The following AFG2A variants were observed in gnomAD, a reference collection of about 807,000 sequenced individuals.
The protein encoded by AFG2A is ATPase family gene 2 protein homolog A.
chr4:123,138,469 A>G, the AFG2A span, among the ~76,000 whole-genome samples: 458 of 152,280 alleles, frequency 3.0e-3, 1 homozygote, highest in African/African-American at 0.01. Flanking sequence ...GACATATTTC[A>G]TACTTCTTAA....
At chr4:123,012,241 G>T in the AFG2A span, among the ~76,000 whole-genome samples, 1 of 142,086 alleles carries the variant, frequency 7.0e-6, no homozygotes, top group South Asian at 2.4e-4. Context: ...GGAGGTGCTT[G>T]CCCCCCAGGA....
chr4:123,255,925 G>A, the AFG2A span: 276 of 1,459,340 alleles, frequency 1.9e-4, no homozygotes, highest in South Asian at 2.6e-4. Context: ...TGGATTGTTC[G>A]TGAAATTCCA....
chr4:123,079,745 CTTTTTTTTTTT>C, the AFG2A span, among the ~76,000 whole-genome samples: 10 of 72,672 alleles, frequency 1.4e-4, no homozygotes, highest in East Asian at 8.3e-4. Flanking sequence ...TCTTTTCCTT[CTTTTTTTTTTT>C]TTTTTTTTTT....
the AFG2A span, among the ~76,000 whole-genome samples, chr4:123,049,884 T>A: frequency 6.6e-6 from 1 of 152,082 alleles, no homozygotes; most frequent in Non-Finnish European, 1.5e-5. Flanking sequence ...CTTTTCTAGT[T>A]CCTTGAAGTA....
the AFG2A span, among the ~76,000 whole-genome samples, chr4:123,104,838 C>T: frequency 6.6e-6 from 1 of 152,158 alleles, no homozygotes; most frequent in African/African-American, 2.4e-5. Flanking sequence ...GAAAAGTTGG[C>T]AGCTAGCAGA....
chr4:122,923,269 T>C, the AFG2A span: 1 of 1,613,906 alleles, frequency 6.2e-7, no homozygotes, highest in Non-Finnish European at 8.5e-7. Flanking sequence ...CGCGGCAACC[T>C]CCGGGACTCT....
chr4:123,148,753 A>AAC, the AFG2A span, among the ~76,000 whole-genome samples: 4 of 151,520 alleles, frequency 2.6e-5, no homozygotes, highest in East Asian at 1.9e-4. Flanking sequence ...GTCAGTACAG[A>AAC]ACACACACAC....
At chr4:123,246,850 C>T in the AFG2A span, among the ~76,000 whole-genome samples, 1 of 152,302 alleles carries the variant, frequency 6.6e-6, no homozygotes, top group Non-Finnish European at 1.5e-5. Flanking sequence ...TGCCTTTTCA[C>T]AGTTTCTCAA....
the AFG2A span, among the ~76,000 whole-genome samples, chr4:122,979,750 A>G: frequency 2.0e-5 from 3 of 152,130 alleles, no homozygotes; most frequent in African/African-American, 7.2e-5. Context: ...AAAAAGTACA[A>G]ATTAGTTGAG....
chr4:122,983,919 A>G, the AFG2A span, among the ~76,000 whole-genome samples: 1 of 152,306 alleles, frequency 6.6e-6, no homozygotes, highest in East Asian at 1.9e-4. Flanking sequence ...AGACACATCC[A>G]TAGGAAAAGT....
At chr4:123,144,139 A>G in the AFG2A span, among the ~76,000 whole-genome samples, 1 of 152,024 alleles carries the variant, frequency 6.6e-6, no homozygotes. Context: ...ATCTACACCT[A>G]TGGGGTTGAC....
the AFG2A span, among the ~76,000 whole-genome samples, chr4:123,153,130 G>A: frequency 6.6e-6 from 1 of 152,096 alleles, no homozygotes; most frequent in Admixed American, 6.6e-5. Flanking sequence ...CTTTTAGGTG[G>A]AAACTTGACA....
the AFG2A span, among the ~76,000 whole-genome samples, chr4:123,041,593 G>A: frequency 2.6e-5 from 4 of 151,934 alleles, no homozygotes; most frequent in Non-Finnish European, 4.4e-5. Flanking sequence ...GTGCAATGGC[G>A]TGATCTCGGC....
chr4:123,193,698 T>C, the AFG2A span, among the ~76,000 whole-genome samples: 86,594 of 151,830 alleles, frequency 0.57, 27,175 homozygotes, highest in Non-Finnish European at 0.69. Context: ...ATGCAATGTA[T>C]TTTTTGTTTC....
At chr4:123,100,299 A>G in the AFG2A span, among the ~76,000 whole-genome samples, 1 of 151,978 alleles carries the variant, frequency 6.6e-6, no homozygotes, top group East Asian at 1.9e-4. Context: ...TAAACCCTCT[A>G]TACCTCTACC....
At chr4:123,254,088 A>G in the AFG2A span, among the ~76,000 whole-genome samples, 4 of 152,232 alleles carry the variant, frequency 2.6e-5, no homozygotes, top group East Asian at 1.9e-4. Flanking sequence ...AGGATTCTTT[A>G]TATATTTTGG....
the AFG2A span, among the ~76,000 whole-genome samples, chr4:122,930,362 TTGGGGGA>T: frequency 6.6e-6 from 1 of 152,034 alleles, no homozygotes. Flanking sequence ...TAGTAATAGT[TTGGGGGA>T]TGTGTTTACA....
At chr4:122,935,167 A>G in the AFG2A span, among the ~76,000 whole-genome samples, 3 of 152,078 alleles carry the variant, frequency 2.0e-5, no homozygotes, top group Non-Finnish European at 2.9e-5. Context: ...CTTCTGCTGC[A>G]TTGTTATTGC....
the AFG2A span, among the ~76,000 whole-genome samples, chr4:123,100,966 A>G: frequency 1.3e-5 from 2 of 152,078 alleles, no homozygotes; most frequent in South Asian, 2.1e-4. Context: ...GCTTTAGGCC[A>G]TAGGAATAGA....
Sources: gnomAD v4.1 joint callset for allele counts (sites outside exome capture counted in the v4.1 genomes callset) on GRCh38, gnomAD v4.1.1 for gene constraint, MANE v1.5 for transcripts, NCBI Gene and HGNC (gene_info 2026-07-23, HGNC 2026-07-21) for gene names.